GLRB: variants seen among roughly 807,000 people sequenced by gnomAD.
GLRB encodes glycine receptor subunit beta.
A neutral mutation model predicts 54.2 loss-of-function variants in GLRB; 33 were observed. The ratio of observed to expected loss-of-function variants is 0.61; its 90% CI spans 0.46 to 0.81. The LOEUF (loss-of-function observed/expected upper bound fraction) is 0.81. Ranked by LOEUF, GLRB falls within the 40% of genes least tolerant of loss-of-function variation. GLRB has a pLI of 0.00. For synonymous variants in GLRB, 209 were observed against 208.2 expected (o/e 1.00, Z -0.03); for missense variants, 572 against 584.6 (o/e 0.98, Z 0.22).
chr4:157,165,399 A>C (rs187013110), intron 9 of GLRB, among the ~76,000 whole-genome samples: 2 of 152,140 alleles, frequency 1.3e-5, no homozygotes, highest in African/African-American at 4.8e-5. Context: ...AAATAATTTC[A>C]ATATTGTTAT....
chr4:157,090,453 T>C (rs558066914), intron 2 of GLRB, among the ~76,000 whole-genome samples: 11 of 152,324 alleles, frequency 7.2e-5, no homozygotes, highest in Admixed American at 2.0e-4. Flanking sequence ...TATATTGTTT[T>C]GGTTGAAGTA....
intron 9 of GLRB, among the ~76,000 whole-genome samples, chr4:157,157,156 A>G (rs1042831589): frequency 1.3e-5 from 2 of 152,124 alleles, no homozygotes; most frequent in Non-Finnish European, 2.9e-5. Flanking sequence ...CCCCTGTGAC[A>G]TCACCTCAGC....
Position 157,170,891 on chromosome 4 carries a change from T to C in GLRB, c.*163T>C, listed in dbSNP as rs1360011126. 3 of 568,556 alleles carry C rather than the reference T, an allele frequency of 5.3e-6. No individual in the cohort carries two copies. In the East Asian group the frequency reaches 8.5e-5, roughly 16 times the overall value. 35.2% of individuals were successfully genotyped at this position (568,556 alleles called of 1,614,324 possible). ...GGCACCTTAATTTTGAATGGCAGCA[T>C]GATCATGTAATATCTGTGCTCTAAT... On this transcript the variant is annotated 3_prime_UTR_variant, in exon 10 of 10. Coordinates refer to ENST00000264428, the MANE Select transcript of GLRB (RefSeq NM_000824.5).
chr4:157,161,618 G>A (rs1377398951), intron 9 of GLRB, among the ~76,000 whole-genome samples: 1 of 152,164 alleles, frequency 6.6e-6, no homozygotes, highest in African/African-American at 2.4e-5. Flanking sequence ...ATGAAATTCT[G>A]AGTTGAAAAT....
Position 157,170,455 on chromosome 4 carries a change from AG to A in GLRB, c.1222del (p.Val408PhefsTer8). The part of the protein sequence containing the change: ...LQVGETRCKK[V>X]CTSKSDLRSN... ...AGGTTGGTGAGACCAGATGCAAAAA[AG>A]TTTGTACTTCTAAGTCTGATCTGAG... On this transcript the variant is annotated frameshift_variant, in exon 10 of 10. Transcript: ENST00000264428. LOFTEE classifies it high-confidence loss of function. The A allele has an allele frequency of 1.2e-6, 2 of 1,606,608 alleles. No individual in the cohort carries two copies. The highest frequency in any genetic ancestry group is 1.7e-6 in the Non-Finnish European group (2 of 1,173,524).
intron 2 of GLRB, among the ~76,000 whole-genome samples, chr4:157,081,882 C>A (rs1357160492): frequency 1.3e-5 from 2 of 152,148 alleles, no homozygotes; most frequent in African/African-American, 4.8e-5. Context: ...AATTTCTTGG[C>A]TCCACACACA....
At chr4:157,102,097 T>C (rs1443485340) in intron 2 of GLRB, among the ~76,000 whole-genome samples, 1 of 152,216 alleles carries the variant, frequency 6.6e-6, no homozygotes, top group Non-Finnish European at 1.5e-5. Flanking sequence ...CTGTGCTAAA[T>C]TGAGCAATAG....
chr4:157,111,297 G>C (rs1430660084), intron 2 of GLRB, among the ~76,000 whole-genome samples: 2 of 152,018 alleles, frequency 1.3e-5, no homozygotes, highest in African/African-American at 4.8e-5. Flanking sequence ...CTTCATGCTA[G>C]TGCAAACTGT....
chr4:157,157,496 C>T (rs1383374847), intron 9 of GLRB, among the ~76,000 whole-genome samples: 1 of 152,124 alleles, frequency 6.6e-6, no homozygotes, highest in Admixed American at 6.5e-5. Flanking sequence ...CCCGCTCCCC[C>T]CACCCCACGA....
chr4:157,157,327 G>A lies in GLRB; in HGVS notation c.1197+4317G>A, dbSNP rs116184878. On this transcript the variant is annotated intron_variant, in intron 9 of 9. Coordinates refer to ENST00000264428, the MANE Select transcript of GLRB (RefSeq NM_000824.5). The stretch of plus-strand genomic sequence containing the variant: ...TTGACACTATACTTCAGTGTGGATC[G>A]GGCTGCCTCGTCACAGACTTTTAAT... Among the ~76,000 whole-genome samples the A allele has an allele frequency of 4.3e-3, 633 of 148,746 alleles. 8 individuals carry two copies. Among genetic ancestry groups the A allele is most frequent in the African/African-American group, 0.015 (593 of 40,374 alleles).
chr4:157,091,301 A>C (rs1734601551), intron 2 of GLRB: 1 of 152,192 alleles, frequency 6.6e-6, no homozygotes, highest in South Asian at 2.1e-4. Context: ...TTAATTCTTA[A>C]GGAACATTGC....
chr4:157,123,880 A>G (rs1439062619), intron 4 of GLRB, among the ~76,000 whole-genome samples: 1 of 151,724 alleles, frequency 6.6e-6, no homozygotes, highest in African/African-American at 2.4e-5. Flanking sequence ...TTTATCTTGC[A>G]TGCCCCTGTG....
chr4:157,168,737 A>T (rs911061288), intron 9 of GLRB, among the ~76,000 whole-genome samples: 1 of 152,120 alleles, frequency 6.6e-6, no homozygotes, highest in Non-Finnish European at 1.5e-5. Flanking sequence ...TATCTTTTTA[A>T]AAGTTTCTTA....
intron 2 of GLRB, among the ~76,000 whole-genome samples, chr4:157,114,411 A>G (rs1217396177): frequency 6.6e-6 from 1 of 151,444 alleles, no homozygotes; most frequent in Non-Finnish European, 1.5e-5. Flanking sequence ...TTTCCAAGGT[A>G]GTACAGAGAG....
chr4:157,083,982 G>T (rs1470808988), intron 2 of GLRB, among the ~76,000 whole-genome samples: 2 of 151,996 alleles, frequency 1.3e-5, no homozygotes, highest in African/African-American at 4.8e-5. Context: ...ATAAATGCCT[G>T]CCATAATTTA....
intron 9 of GLRB, among the ~76,000 whole-genome samples, chr4:157,163,829 A>AGTGTGTGTGT (rs3054934): frequency 0.04 from 5,841 of 146,330 alleles, 121 homozygotes; most frequent in Middle Eastern, 0.093. Flanking sequence ...TGTCTGTGTG[A>AGTGTGTGTGT]GTGTGTGTGT....
chr4:157,111,581 A>T (rs551603801), intron 2 of GLRB, among the ~76,000 whole-genome samples: 1 of 151,984 alleles, frequency 6.6e-6, no homozygotes, highest in Non-Finnish European at 1.5e-5. Context: ...GGCTGATTTC[A>T]TACTCAACTG....
chr4:157,092,965 T>C (rs1258771178), intron 2 of GLRB, among the ~76,000 whole-genome samples: 1 of 152,188 alleles, frequency 6.6e-6, no homozygotes, highest in Non-Finnish European at 1.5e-5. Context: ...GATTTGGCAG[T>C]TAAACTTCGG....
At position 157,078,073 on chromosome 4, in the gene GLRB, G is replaced by A. The variant is rs760529205; in HGVS notation, c.49G>A (p.Val17Met). 1.2e-6 allele frequency: 2 copies of A among 1,610,738 alleles called. No individual in the cohort carries two copies. The highest frequency in any genetic ancestry group is 1.7e-5 in the Admixed American group (1 of 59,986). The stretch of plus-strand genomic sequence containing the variant: ...CTTTTTAATTTTAATTTCCTTGTGG[G>A]TGGAAGAAGCCTATTCTAAGGAAAA... Reference protein sequence around the residue: ...TAFLILISLWVEEAYSKEKSS... With the variant: ...TAFLILISLWMEEAYSKEKSS... Residue 17 changes from valine to methionine, a missense_variant, in exon 2 of 10, where the codon GTG (valine) becomes ATG (methionine). By Grantham distance (21) the Val-to-Met change is conservative. Coordinates refer to ENST00000264428, the MANE Select transcript of GLRB (RefSeq NM_000824.5).
Sources: gnomAD v4.1 joint callset for allele counts (sites outside exome capture counted in the v4.1 genomes callset) on GRCh38, gnomAD v4.1.1 for gene constraint, MANE v1.5 for transcripts, NCBI Gene and HGNC (gene_info 2026-07-23, HGNC 2026-07-21) for gene names.